Variants in HMCN1 observed in about 807,000 individuals in gnomAD.
The protein encoded by HMCN1 is hemicentin-1.
HMCN1 carries 321 observed loss-of-function variants against 625.9 expected under a neutral mutation model. The ratio of observed to expected loss-of-function variants is 0.51; its 90% CI spans 0.47 to 0.56. HMCN1 has a LOEUF of 0.56. Among genes scored for constraint, HMCN1 ranks in the 20% least tolerant of loss-of-function variants. The pLI, the probability that HMCN1 is intolerant of heterozygous loss-of-function variation, is 0.00. For synonymous variants in HMCN1, 2,425 were observed against 2,417.6 expected, an observed-to-expected ratio of 1.00 and a Z score of -0.09; for missense variants, 6,588 against 6,887.3, an observed-to-expected ratio of 0.96 and a Z score of 1.54.
At chr1:185,931,182 C>T (rs139357954) in intron 10 of HMCN1, among the ~76,000 whole-genome samples, 74 of 152,216 alleles carry the variant, frequency 4.9e-4, no homozygotes, top group African/African-American at 1.7e-3. Flanking sequence ...TTCCTGGCCT[C>T]CTGATTCTCA....
chr1:185,915,700 T>C (rs1666662025), intron 6 of HMCN1, among the ~76,000 whole-genome samples: 1 of 152,070 alleles, frequency 6.6e-6, no homozygotes, highest in Admixed American at 6.6e-5. Context: ...TGGGTAAGGA[T>C]ATTTTAAAAA....
Position 186,019,629 on chromosome 1 carries a change from T to A in HMCN1, c.5559T>A (p.Ile1853=). 6.2e-7 allele frequency: 1 copy of A among 1,611,960 alleles called. No homozygotes were observed. Among genetic ancestry groups the A allele is most frequent in the Non-Finnish European group, 8.5e-7 (1 of 1,178,368 alleles). Residue 1853 remains isoleucine, a synonymous_variant, in exon 35 of 107, where the codon ATT becomes ATA. Coordinates refer to ENST00000271588, the MANE Select transcript of HMCN1 (RefSeq NM_031935.3). ...CCTTGCAGTGCATAGCCAATGGGAT[T>A]CCAAATCCTTCCATTACATGGTTAA... ...PVALQCIANG[I]PNPSITWLKD...
At chr1:185,918,381 C>G (rs1273886256) in intron 6 of HMCN1, among the ~76,000 whole-genome samples, 1 of 152,172 alleles carries the variant, frequency 6.6e-6, no homozygotes, top group African/African-American at 2.4e-5. Flanking sequence ...ACTCAGCAAG[C>G]CAGCTTATCC....
intron 4 of HMCN1, among the ~76,000 whole-genome samples, chr1:185,899,989 C>G (rs1412676621): frequency 6.6e-6 from 1 of 151,868 alleles, no homozygotes; most frequent in Non-Finnish European, 1.5e-5. Flanking sequence ...TTCAAAGACC[C>G]TAACAAGCCT....
intron 51 of HMCN1, among the ~76,000 whole-genome samples, chr1:186,070,245 G>A (rs1658397923): frequency 6.6e-6 from 1 of 152,192 alleles, no homozygotes; most frequent in Non-Finnish European, 1.5e-5. Context: ...TGTTTGTAAA[G>A]GAAGAGTATC....
chr1:185,933,255 C>A (rs1039601925), intron 10 of HMCN1, among the ~76,000 whole-genome samples: 6 of 151,774 alleles, frequency 4.0e-5, no homozygotes, highest in Non-Finnish European at 7.4e-5. Context: ...CTTTCACAAT[C>A]CTCAGTCAGT....
intron 51 of HMCN1, among the ~76,000 whole-genome samples, chr1:186,070,066 A>T (rs1658389496): frequency 6.6e-6 from 1 of 152,180 alleles, no homozygotes; most frequent in Admixed American, 6.5e-5. Flanking sequence ...CTGGGTTGAG[A>T]TGTAGTACTT....
intron 4 of HMCN1, among the ~76,000 whole-genome samples, chr1:185,877,981 C>T (rs147232772): frequency 6.6e-6 from 1 of 152,216 alleles, no homozygotes; most frequent in East Asian, 1.9e-4. Context: ...TAAGTCAGAA[C>T]ATTCAGTATT....
intron 89 of HMCN1, among the ~76,000 whole-genome samples, chr1:186,139,495 C>G (rs1649817471): frequency 6.6e-6 from 1 of 151,824 alleles, no homozygotes; most frequent in Non-Finnish European, 1.5e-5. Flanking sequence ...TGTAAATATC[C>G]TAAAATAAAA....
chr1:186,129,936 G>A (rs1174645431), intron 83 of HMCN1, 30 bp from the exon 84 acceptor site: 2 of 1,612,044 alleles, frequency 1.2e-6, no homozygotes, highest in East Asian at 4.5e-5. Context: ...GTTACTGAGA[G>A]GCACTTGTGT....
At chr1:186,048,591 G>A (rs1416640230) in intron 41 of HMCN1, 152 bp from the exon 42 acceptor site, 1 of 621,908 alleles carries the variant, frequency 1.6e-6, no homozygotes, top group East Asian at 2.9e-5. Flanking sequence ...ACTGGGTGAT[G>A]GGTATATAGC....
At chr1:185,878,270 C>G (rs1454776382) in intron 4 of HMCN1, among the ~76,000 whole-genome samples, 1 of 152,156 alleles carries the variant, frequency 6.6e-6, no homozygotes, top group African/African-American at 2.4e-5. Context: ...CTAGGACTTT[C>G]AGTACTATGT....
intron 6 of HMCN1, among the ~76,000 whole-genome samples, chr1:185,919,767 T>C (rs1004701079): frequency 6.6e-6 from 1 of 152,214 alleles, no homozygotes; most frequent in Non-Finnish European, 1.5e-5. Context: ...GCTGTATCTG[T>C]TACTTTGAGC....
intron 18 of HMCN1, 41 bp downstream of exon 18, chr1:185,982,430 A>T (rs749758431): frequency 5.3e-6 from 8 of 1,513,666 alleles, no homozygotes; most frequent in Non-Finnish European, 7.3e-6. Flanking sequence ...TTCTTTTGTG[A>T]GTTTTCTTTT....
chr1:185,880,522 C>T (rs1664237933), intron 4 of HMCN1, among the ~76,000 whole-genome samples: 1 of 152,122 alleles, frequency 6.6e-6, no homozygotes, highest in Admixed American at 6.5e-5. Context: ...AGCCAACCAC[C>T]AACTAAATTT....
intron 23 of HMCN1, among the ~76,000 whole-genome samples, chr1:185,994,605 A>G (rs1424991859): frequency 1.3e-5 from 2 of 152,022 alleles, no homozygotes; most frequent in Non-Finnish European, 2.9e-5. Flanking sequence ...ATTACAGGCT[A>G]TTTTCCCTGG....
chr1:185,797,965 CAAAAAAAAAAAA>C (rs35031310), intron 1 of HMCN1, among the ~76,000 whole-genome samples: 4 of 13,664 alleles, frequency 2.9e-4, no homozygotes, highest in African/African-American at 3.2e-4. Context: ...GACTCCGTCT[CAAAAAAAAAAAA>C]AAAAAAAAAA....
At chr1:186,064,283 A>T (rs1261271139) in intron 48 of HMCN1, among the ~76,000 whole-genome samples, 1 of 152,030 alleles carries the variant, frequency 6.6e-6, no homozygotes, top group Non-Finnish European at 1.5e-5. Context: ...GAATAATTTA[A>T]AACTTAATAT....
intron 2 of HMCN1, among the ~76,000 whole-genome samples, chr1:185,859,882 C>G (rs919826665): frequency 1.3e-5 from 2 of 151,850 alleles, no homozygotes; most frequent in Non-Finnish European, 2.9e-5. Context: ...TGTTGCCCAG[C>G]CTGGTCGCGA....
Sources: allele counts gnomAD v4.1 joint callset (sites outside exome capture counted in the v4.1 genomes callset), GRCh38; gene constraint gnomAD v4.1.1; transcripts MANE v1.5; gene names NCBI Gene and HGNC (gene_info 2026-07-23, HGNC 2026-07-21).